The following BAIAP2 variants were observed in gnomAD, a reference collection of about 807,000 sequenced individuals.
The protein encoded by BAIAP2 is BAR/IMD domain-containing adapter protein 2.
Under a neutral mutation model 63.0 loss-of-function variants are expected in BAIAP2, and 18 were observed. The observed-to-expected ratio is 0.29, with a 90% confidence interval of 0.20 to 0.42. The LOEUF (loss-of-function observed/expected upper bound fraction) is 0.42, where lower values mean the gene tolerates loss of function less well. BAIAP2 is among the 10% of genes least tolerant of loss of function. The probability of loss-of-function intolerance (pLI) is 1.00; values close to 1 mark genes in which losing one functional copy is unlikely to be tolerated. For synonymous variants in BAIAP2, 386 were observed against 307.6 expected (o/e 1.25, Z -2.67); for missense variants, 610 against 734.3 (o/e 0.83, Z 1.96).
Position 81,057,892 on chromosome 17 carries a change from G to A in BAIAP2, c.142G>A (p.Ala48Thr). 1 of 1,604,690 alleles carries A rather than the reference G, an allele frequency of 6.2e-7. No homozygotes were observed. Among genetic ancestry groups the A allele is most frequent in the Non-Finnish European group, 8.5e-7 (1 of 1,175,476 alleles). Residue 48 changes from alanine to threonine, a missense_variant, in exon 3 of 14, where the codon GCA becomes ACA. This residue lies in a region of BAIAP2 where 389 missense variants were observed against 455.6 expected (regional missense o/e 0.85). Coordinates refer to ENST00000428708, the MANE Select transcript of BAIAP2 (RefSeq NM_001144888.2). Reference protein sequence around the residue: ...YEKALAGVTYAAKGYFDALVK... With the variant: ...YEKALAGVTYTAKGYFDALVK... ...TTCTTCTCTCTCAGGTGTGACGTAT[G>A]CAGCCAAAGGCTACTTTGACGCCCT...
intron 3 of BAIAP2, among the ~76,000 whole-genome samples, chr17:81,064,253 G>C (rs1420050996): frequency 6.6e-6 from 1 of 152,196 alleles, no homozygotes; most frequent in Admixed American, 6.5e-5. Flanking sequence ...GGGTCTCTCT[G>C]TACCTGCACC....
At chr17:81,088,991 C>T (rs987668714) in intron 6 of BAIAP2, among the ~76,000 whole-genome samples, 1 of 152,242 alleles carries the variant, frequency 6.6e-6, no homozygotes, top group Non-Finnish European at 1.5e-5. Flanking sequence ...TTTCAGGTGC[C>T]CTGCCTCCCA....
At position 81,116,080 on chromosome 17, in the gene BAIAP2, C is replaced by T. The variant is rs1015378483; in HGVS notation, c.*241C>T. Reference sequence around the variant, plus strand: ...GGGCTGCCCAGGGCTGAGGGGCCGCCTCTTGAGGGTACACGCCTCTGGTCA... The same window carrying T: ...GGGCTGCCCAGGGCTGAGGGGCCGCTTCTTGAGGGTACACGCCTCTGGTCA... On this transcript the variant is annotated 3_prime_UTR_variant, in exon 14 of 14. Transcript: ENST00000428708. The T allele has an allele frequency of 4.7e-6, 7 of 1,493,518 alleles. No individual in the cohort carries two copies. Among genetic ancestry groups the T allele is most frequent in the Admixed American group, 4.4e-5 (2 of 45,404 alleles). 92.5% of individuals were successfully genotyped at this position (1,493,518 alleles called of 1,614,324 possible).
chr17:81,104,216 A>G (rs138230074), intron 9 of BAIAP2, 108 bp downstream of exon 9: 12,731 of 1,237,764 alleles, frequency 0.01, 89 homozygotes, highest in Non-Finnish European at 0.011. Flanking sequence ...TGAGGCTCAC[A>G]ATTATGTGAC....
In BAIAP2 at chr17:81,091,509, C is replaced by A. The variant is rs116937786; in HGVS notation, c.489+4929C>A. Among the ~76,000 whole-genome samples the A allele has an allele frequency of 6.1e-3, 925 of 152,280 alleles. 5 individuals carry two copies. The highest frequency in any genetic ancestry group is 9.8e-3 in the Non-Finnish European group (665 of 68,012). On this transcript the variant is annotated intron_variant, in intron 6 of 13. Coordinates refer to ENST00000428708, the MANE Select transcript of BAIAP2 (RefSeq NM_001144888.2). Reference sequence around the variant, plus strand: ...TCCCTGCCTCGGTCCCTGGACCTGCCTGCCCCCAGCTCTTCTAGCTGTCTC... The same window carrying A: ...TCCCTGCCTCGGTCCCTGGACCTGCATGCCCCCAGCTCTTCTAGCTGTCTC...
intron 3 of BAIAP2, among the ~76,000 whole-genome samples, chr17:81,073,160 C>A: frequency 6.6e-6 from 1 of 152,110 alleles, no homozygotes; most frequent in East Asian, 1.9e-4. Flanking sequence ...TCCAGCGGCC[C>A]CTCCCCATGC....
In BAIAP2 at chr17:81,035,344, G is replaced by C. The variant is rs201454951; in HGVS notation, c.54+36G>C. 93 of 1,280,380 alleles carry C rather than the reference G, an allele frequency of 7.3e-5. 3 individuals are homozygous for C. In the South Asian group the frequency reaches 1.2e-3, roughly 17 times the overall value. The allele number at this position is 1,280,380 out of a possible 1,614,324, so 79.3% of individuals were successfully genotyped here. Reference sequence around the variant, plus strand: ...CCCGGCGCCGAGCTGAGCCCGCTCCGTGTGCGCCTGGGTCGCGCGCCGCCC... The same window carrying C: ...CCCGGCGCCGAGCTGAGCCCGCTCCCTGTGCGCCTGGGTCGCGCGCCGCCC... On this transcript the variant is annotated intron_variant, in intron 1 of 13. Coordinates refer to ENST00000428708, the MANE Select transcript of BAIAP2 (RefSeq NM_001144888.2).
chr17:81,110,884 C>T, intron 13 of BAIAP2: 2 of 1,613,668 alleles, frequency 1.2e-6, no homozygotes, highest in Non-Finnish European at 1.7e-6. Flanking sequence ...CCCCATGCTG[C>T]CTCCAACTGA....
intron 1 of BAIAP2, chr17:81,036,763 G>C: frequency 9.5e-7 from 1 of 1,051,846 alleles, no homozygotes; most frequent in South Asian, 1.4e-5. Context: ...GTGGCATACG[G>C]TTCTGGCCTT....
chr17:81,065,110 C>T (rs1188760922), intron 3 of BAIAP2, among the ~76,000 whole-genome samples: 1 of 152,186 alleles, frequency 6.6e-6, no homozygotes, highest in African/African-American at 2.4e-5. Flanking sequence ...GGCGTCTGCT[C>T]CTCATCCTCT....
chr17:81,110,524 A>AT (rs1239200214), intron 13 of BAIAP2: 1 of 1,099,380 alleles, frequency 9.1e-7, no homozygotes, highest in African/African-American at 1.6e-5. Context: ...CGAGTTGGGT[A>AT]TGGACCTCCT....
At chr17:81,092,379 C>T (rs758688045) in intron 6 of BAIAP2, among the ~76,000 whole-genome samples, 4 of 152,232 alleles carry the variant, frequency 2.6e-5, no homozygotes, top group Non-Finnish European at 5.9e-5. Flanking sequence ...TGAGCTGAAA[C>T]AGGGACACAC....
At chr17:81,058,957 C>G (rs550378959) in intron 3 of BAIAP2, among the ~76,000 whole-genome samples, 21 of 152,292 alleles carry the variant, frequency 1.4e-4, no homozygotes, top group African/African-American at 4.8e-4. Context: ...ACTTCCAGCT[C>G]CCAGAAGAGG....
At chr17:81,091,700 A>G (rs370863748) in intron 6 of BAIAP2, among the ~76,000 whole-genome samples, 1 of 152,194 alleles carries the variant, frequency 6.6e-6, no homozygotes, top group African/African-American at 2.4e-5. Flanking sequence ...GGGCTGCCGG[A>G]CTGCCGGAAG....
At chr17:81,085,566 G>C in intron 4 of BAIAP2, 88 bp from the exon 5 acceptor site, 2 of 1,109,776 alleles carry the variant, frequency 1.8e-6, no homozygotes, top group African/African-American at 1.5e-5. Context: ...CCGGTGTCTC[G>C]TGCCCATCCG....
intron 3 of BAIAP2, among the ~76,000 whole-genome samples, chr17:81,065,244 T>G (rs114210340): frequency 0.018 from 2,722 of 152,344 alleles, 81 homozygotes; most frequent in African/African-American, 0.061. Context: ...GGAGCAAGCC[T>G]GGCAGGTGAC....
chr17:81,071,536 C>T (rs950116696), intron 3 of BAIAP2, among the ~76,000 whole-genome samples: 6 of 152,236 alleles, frequency 3.9e-5, no homozygotes, highest in African/African-American at 1.4e-4. Flanking sequence ...CAGAGCCCCT[C>T]TTCCACCAGC....
chr17:81,087,614 G>T (rs1598718611), intron 6 of BAIAP2: 1 of 152,226 alleles, frequency 6.6e-6, no homozygotes, highest in Non-Finnish European at 1.5e-5. Flanking sequence ...CAAAGGAGAG[G>T]ACGGGACTAG....
chr17:81,039,286 C>T (rs1422809883), intron 1 of BAIAP2, among the ~76,000 whole-genome samples: 2 of 152,220 alleles, frequency 1.3e-5, no homozygotes, highest in African/African-American at 2.4e-5. Flanking sequence ...GGGCTTTGGC[C>T]CCAGGCACTG....
Sources: gnomAD v4.1 joint callset for allele counts (sites outside exome capture counted in the v4.1 genomes callset) on GRCh38, gnomAD v4.1.1 for gene constraint, gnomAD v4.1.1 regional missense constraint, MANE v1.5 for transcripts, NCBI Gene and HGNC (gene_info 2026-07-23, HGNC 2026-07-21) for gene names.